ADGRD1: variants seen among roughly 807,000 people sequenced by gnomAD.
ADGRD1 encodes G-protein coupled receptor 133.
Under a neutral mutation model 113.4 loss-of-function variants are expected in ADGRD1, and 77 were observed. The observed-to-expected ratio is 0.68, with a 90% CI of 0.57 to 0.82. The LOEUF (loss-of-function observed/expected upper bound fraction) is 0.82, where lower values mean the gene tolerates loss of function less well. Among genes scored for constraint, ADGRD1 ranks in the 40% least tolerant of loss-of-function variants. The probability of loss-of-function intolerance (pLI) is 0.00; values close to 1 mark genes in which losing one functional copy is unlikely to be tolerated. For missense variants in ADGRD1, 1,036 were observed against 1,139.1 expected (o/e 0.91, Z 1.30); for synonymous variants, 474 against 475.0 (o/e 1.00, Z 0.03).
At chr12:131,101,383 T>TTTTTTTTTTTTTTTTTTTTTTTTTTTC (rs1950080684) in intron 15 of ADGRD1, among the ~76,000 whole-genome samples, 1 of 109,672 alleles carries the variant, frequency 9.1e-6, no homozygotes, top group Non-Finnish European at 1.8e-5. Flanking sequence ...CTTTCTTTTT[T>TTTTTTTTTTTTTTTTTTTTTTTTTTTC]TTTTTTTTTT....
chr12:131,052,215 G>T (rs1883463279), intron 13 of ADGRD1, among the ~76,000 whole-genome samples: 1 of 152,150 alleles, frequency 6.6e-6, no homozygotes, highest in South Asian at 2.1e-4. Flanking sequence ...TGGGAACACT[G>T]GGCTGTGCGA....
At chr12:130,958,761 G>A (rs1280631440) in intron 2 of ADGRD1, among the ~76,000 whole-genome samples, 1 of 152,222 alleles carries the variant, frequency 6.6e-6, no homozygotes, top group African/African-American at 2.4e-5. Context: ...TCCATCGCAA[G>A]AGAACAGCTC....
chr12:130,987,742 CAG>C, intron 6 of ADGRD1: 1 of 248,702 alleles, frequency 4.0e-6, no homozygotes, highest in Non-Finnish European at 7.8e-6. Context: ...CAGCACAGGG[CAG>C]TTGTTCGGGG....
intron 13 of ADGRD1, among the ~76,000 whole-genome samples, chr12:131,059,983 C>T (rs1169801830): frequency 6.6e-6 from 1 of 152,244 alleles, no homozygotes; most frequent in Non-Finnish European, 1.5e-5. Context: ...TGTTATGACA[C>T]TCTGGATCTT....
At chr12:130,978,849 T>C (rs1285055583) in intron 4 of ADGRD1, 2 of 152,260 alleles carry the variant, frequency 1.3e-5, no homozygotes, top group African/African-American at 4.8e-5. Flanking sequence ...GGAATTTGTT[T>C]CATAACAAAA....
intron 12 of ADGRD1, among the ~76,000 whole-genome samples, chr12:131,012,934 T>A (rs1236072121): frequency 6.6e-6 from 1 of 152,138 alleles, no homozygotes; most frequent in Non-Finnish European, 1.5e-5. Flanking sequence ...CAGGCATCTT[T>A]GTGTAGTCAC....
intron 8 of ADGRD1, among the ~76,000 whole-genome samples, chr12:130,999,493 T>A (rs939875834): frequency 6.6e-6 from 1 of 152,252 alleles, no homozygotes; most frequent in African/African-American, 2.4e-5. Flanking sequence ...TTTGATGATG[T>A]GCTCTAAGAA....
chr12:131,015,719 G>A (rs766601161), intron 13 of ADGRD1, among the ~76,000 whole-genome samples: 44 of 152,116 alleles, frequency 2.9e-4, no homozygotes, highest in Non-Finnish European at 4.6e-4. Context: ...GTGACCAGCC[G>A]TGAGCCTGTT....
chr12:131,046,527 T>A (rs1332649423), intron 13 of ADGRD1, among the ~76,000 whole-genome samples: 1 of 77,446 alleles, frequency 1.3e-5, no homozygotes. Flanking sequence ...TGGTCAATGC[T>A]CCCTCCCTGA....
chr12:131,004,392 G>GCTGCGGTGCCCCCCCGGGCCGC, intron 11 of ADGRD1, 96 bp downstream of exon 11: 4 of 790,712 alleles, frequency 5.1e-6, no homozygotes, highest in South Asian at 1.5e-5. Context: ...GCGCCAGGGA[G>GCTGCGGTGCCCCCCCGGGCCGC]CTGCGGTGCT....
intron 18 of ADGRD1, among the ~76,000 whole-genome samples, chr12:131,111,255 G>C (rs1950341660): frequency 6.6e-6 from 1 of 152,054 alleles, no homozygotes; most frequent in Non-Finnish European, 1.5e-5. Context: ...ACCATGCCTG[G>C]CTAATTTTTG....
At position 131,011,611 on chromosome 12, in the gene ADGRD1, C is replaced by T. The variant is rs531317282; in HGVS notation, c.1332-2588C>T. ...GTTCTGGGAGGGAGATGATGACCAC[C>T]GGTTGCACCATCAGGAAATGTCCAC... On this transcript the variant is annotated intron_variant, in intron 12 of 24. Transcript: ENST00000261654. Among the ~76,000 whole-genome samples the T allele has an allele frequency of 9.9e-5, 15 of 152,244 alleles. No homozygotes were observed. The South Asian group carries it at 2.7e-3, about 27-fold the overall frequency.
At chr12:131,010,575 T>A (rs1167519293) in intron 12 of ADGRD1, among the ~76,000 whole-genome samples, 1 of 152,212 alleles carries the variant, frequency 6.6e-6, no homozygotes, top group Admixed American at 6.5e-5. Flanking sequence ...TGAAGCCTCA[T>A]GTAACTTTAA....
At chr12:131,030,529 A>C (rs758456346) in intron 13 of ADGRD1, 2 of 152,348 alleles carry the variant, frequency 1.3e-5, no homozygotes, top group Admixed American at 6.5e-5. Flanking sequence ...TCTCTGCTCC[A>C]GTTGATGTGG....
intron 8 of ADGRD1, among the ~76,000 whole-genome samples, chr12:130,997,769 A>G (rs1246980938): frequency 7.3e-6 from 1 of 136,834 alleles, no homozygotes; most frequent in African/African-American, 2.8e-5. Flanking sequence ...ATGGGCGGCC[A>G]GGCAGAGACG....
At chr12:131,078,252 G>A (rs1363459182) in intron 14 of ADGRD1, among the ~76,000 whole-genome samples, 1 of 152,228 alleles carries the variant, frequency 6.6e-6, no homozygotes, top group African/African-American at 2.4e-5. Flanking sequence ...TCTCTGTTCT[G>A]TGAACAGCGA....
chr12:131,050,802 A>G lies in ADGRD1; in HGVS notation c.1474-25999A>G, dbSNP rs900017074. Among the ~76,000 whole-genome samples the G allele has an allele frequency of 2.0e-5, 3 of 152,140 alleles. No homozygotes were observed. The highest frequency in any genetic ancestry group is 2.0e-4 in the Admixed American group (3 of 15,280). ...ACTGTTCCCCCTCAGATCATCAGGC[A>G]CTAGACTCTCATGAGGAGCTTGAAA... On this transcript the variant is annotated intron_variant, in intron 13 of 24. Coordinates refer to ENST00000261654, the MANE Select transcript of ADGRD1 (RefSeq NM_198827.5). The surrounding 1 kb of genome is among the most constrained non-coding windows in gnomAD (Gnocchi z 4.8).
At chr12:130,987,958 TC>T (rs34052805) in intron 6 of ADGRD1, 14,029 of 155,728 alleles carry the variant, frequency 0.09, 821 homozygotes, top group Middle Eastern at 0.15. Flanking sequence ...AACATTTTCA[TC>T]CCCCCAAAAG....
At chr12:131,049,747 G>A (rs775080282) in intron 13 of ADGRD1, among the ~76,000 whole-genome samples, 3 of 152,170 alleles carry the variant, frequency 2.0e-5, no homozygotes, top group Admixed American at 1.3e-4. Flanking sequence ...GTTTGGGGCC[G>A]GGCAGTGGGG....
Sources: gnomAD v4.1 joint callset for allele counts (sites outside exome capture counted in the v4.1 genomes callset) on GRCh38, gnomAD v4.1.1 for gene constraint, Gnocchi (gnomAD v3.1) non-coding constraint, MANE v1.5 for transcripts, NCBI Gene and HGNC (gene_info 2026-07-23, HGNC 2026-07-21) for gene names.